SFMBT2: variants seen among roughly 807,000 people sequenced by gnomAD.
SFMBT2 encodes Scm like with four mbt domains 2.
SFMBT2 carries 38 observed loss-of-function variants against 110.1 expected under a neutral mutation model. The ratio of observed to expected loss-of-function variants is 0.35; its 90% CI spans 0.27 to 0.45. SFMBT2 has a LOEUF of 0.45. Ranked by LOEUF, SFMBT2 falls within the 20% of genes least tolerant of loss-of-function variation. The pLI, the probability that SFMBT2 is intolerant of heterozygous loss-of-function variation, is 1.00. For missense variants in SFMBT2, 1,011 were observed against 1,094.9 expected (o/e 0.92, Z 1.08); for synonymous variants, 425 against 425.4 (o/e 1.00, Z 0.01).
At chr10:7,237,554 C>G (rs1840295392) in intron 9 of SFMBT2, among the ~76,000 whole-genome samples, 1 of 152,094 alleles carries the variant, frequency 6.6e-6, no homozygotes, top group Non-Finnish European at 1.5e-5. Context: ...GGAGGGTGCT[C>G]ACCTTGCGGA....
chr10:7,220,328 G>A (rs1839684173), intron 11 of SFMBT2, 83 bp downstream of exon 11: 10 of 1,142,116 alleles, frequency 8.8e-6, no homozygotes, highest in Non-Finnish European at 1.1e-5. Context: ...CCCCTTCTGA[G>A]AAGGGCTGCT....
At chr10:7,344,727 G>A (rs1168053432) in intron 4 of SFMBT2, among the ~76,000 whole-genome samples, 16 of 152,038 alleles carry the variant, frequency 1.1e-4, no homozygotes, top group Admixed American at 1.0e-3. Context: ...AGCACTTTGG[G>A]AGGCCAAGAA....
intron 9 of SFMBT2, among the ~76,000 whole-genome samples, chr10:7,240,777 G>C (rs913615368): frequency 6.6e-6 from 1 of 152,186 alleles, no homozygotes; most frequent in African/African-American, 2.4e-5. Context: ...TTGCCCAAGA[G>C]TCACTGAGCT....
intron 4 of SFMBT2, among the ~76,000 whole-genome samples, chr10:7,357,328 A>AAGT (rs1191141837): frequency 6.6e-6 from 1 of 152,156 alleles, no homozygotes; most frequent in Non-Finnish European, 1.5e-5. Context: ...GGATGCGACT[A>AAGT]ACATTTAAAT....
chr10:7,176,808 G>A (rs1175986859), intron 16 of SFMBT2, among the ~76,000 whole-genome samples: 2 of 152,134 alleles, frequency 1.3e-5, no homozygotes, highest in Non-Finnish European at 2.9e-5. Flanking sequence ...GTATGATTGG[G>A]ACCTGGAAAC....
At chr10:7,362,542 G>T (rs914982899) in intron 4 of SFMBT2, among the ~76,000 whole-genome samples, 2 of 152,228 alleles carry the variant, frequency 1.3e-5, no homozygotes, top group South Asian at 2.1e-4. Flanking sequence ...CAATCCCAAA[G>T]TGTCCTCGAA....
chr10:7,393,654 G>A (rs1435522035), intron 1 of SFMBT2, among the ~76,000 whole-genome samples: 1 of 152,154 alleles, frequency 6.6e-6, no homozygotes, highest in African/African-American at 2.4e-5. Flanking sequence ...AGGAGTAACT[G>A]GCTGACCAAA....
chr10:7,320,655 G>A, intron 4 of SFMBT2: 1 of 945,684 alleles, frequency 1.1e-6, no homozygotes, highest in East Asian at 1.2e-4. Flanking sequence ...TAAGTAATAG[G>A]AAGCACTTTT....
At position 7,172,100 on chromosome 10, in the gene SFMBT2, C is replaced by A; in HGVS notation, c.2210G>T (p.Gly737Val). The part of the protein sequence containing the change: ...MDDDTASEET[G>V]SELRDDQTDT... ...CGTCTGGTCATCCCGGAGCTCGGAG[C>A]CGGTCTCCTCACTGGCGGTGTCATC... Residue 737 changes from glycine to valine, a missense_variant, in exon 19 of 21, where the codon GGC becomes GTC. Physicochemically the swap from Gly to Val is moderately radical, Grantham distance 109. Transcript: ENST00000397167. The surrounding 1 kb of genome is among the most constrained non-coding windows in gnomAD (Gnocchi z 4.6). 1.2e-6 allele frequency: 2 copies of A among 1,603,478 alleles called. No homozygotes were observed. The highest frequency in any genetic ancestry group is 1.7e-6 in the Non-Finnish European group (2 of 1,174,376).
intron 6 of SFMBT2, among the ~76,000 whole-genome samples, chr10:7,277,216 G>A (rs1331458340): frequency 6.6e-6 from 1 of 152,152 alleles, no homozygotes; most frequent in Non-Finnish European, 1.5e-5. Context: ...ACTTAATAGA[G>A]CTCTTCTTCA....
At chr10:7,358,778 G>A (rs1017843192) in intron 4 of SFMBT2, among the ~76,000 whole-genome samples, 16 of 151,168 alleles carry the variant, frequency 1.1e-4, no homozygotes, top group Non-Finnish European at 8.8e-5. Flanking sequence ...ACATCTGCAT[G>A]GCCCTGGAAT....
intron 12 of SFMBT2, 152 bp from the exon 13 acceptor site, chr10:7,202,674 A>G: frequency 6.6e-7 from 1 of 1,515,160 alleles, no homozygotes. Flanking sequence ...ATTTCCTATC[A>G]GTTTCTTCTA....
chr10:7,319,265 T>C (rs1588444801), intron 4 of SFMBT2, among the ~76,000 whole-genome samples: 1 of 152,230 alleles, frequency 6.6e-6, no homozygotes, highest in South Asian at 2.1e-4. Context: ...ACTGTGCACA[T>C]GTCTTTCTTC....
intron 4 of SFMBT2, among the ~76,000 whole-genome samples, chr10:7,349,873 T>C (rs184302941): frequency 1.3e-5 from 2 of 152,132 alleles, no homozygotes; most frequent in African/African-American, 4.8e-5. Flanking sequence ...TCAAGGACAG[T>C]ATTTGATGGA....
chr10:7,254,459 C>G (rs1357717541), intron 7 of SFMBT2, among the ~76,000 whole-genome samples: 2 of 152,148 alleles, frequency 1.3e-5, no homozygotes, highest in Non-Finnish European at 2.9e-5. Flanking sequence ...ACTACGATCA[C>G]AGTAGTCAAA....
Position 7,172,507 on chromosome 10 carries a change from C to A in SFMBT2, c.2139G>T (p.Ala713=), listed in dbSNP as rs145957081. Reference sequence around the variant, plus strand: ...GGGCAGAACATACCTCCCCCGAGCCCGCGGTGAAGTCCACGGCAGAAGACC... The same window carrying A: ...GGGCAGAACATACCTCCCCCGAGCCAGCGGTGAAGTCCACGGCAGAAGACC... The part of the protein sequence containing the change: ...KRRSSAVDFT[A]GSGEESEEED... The change falls in exon 18 of 21, where the codon GCG becomes GCT. Residue 713 remains alanine (A), a synonymous_variant. Coordinates refer to ENST00000397167, the MANE Select transcript of SFMBT2 (RefSeq NM_001387889.1). The surrounding 1 kb of genome is among the most constrained non-coding windows in gnomAD (Gnocchi z 4.6). 6.2e-7 allele frequency: 1 copy of A among 1,614,072 alleles called. No individual in the cohort carries two copies. The highest frequency in any genetic ancestry group is 2.2e-5 in the East Asian group (1 of 44,868).
In SFMBT2 at chr10:7,354,099, A is replaced by T. The variant is rs576849894; in HGVS notation, c.436+13550T>A. 3.9e-3 allele frequency among the ~76,000 whole-genome samples: 596 copies of T among 151,332 alleles called. 5 individuals carry two copies. The highest frequency in any genetic ancestry group is 0.014 in the Middle Eastern group (4 of 294). Reference sequence around the variant, plus strand: ...GAGACTCCCTCTCCAAAAAAAAAAAAATATAAATAAAACAAAAAAATAAAT... The same window carrying T: ...GAGACTCCCTCTCCAAAAAAAAAAATATATAAATAAAACAAAAAAATAAAT... On this transcript the variant is annotated intron_variant, in intron 4 of 20. Transcript: ENST00000397167.
chr10:7,388,470 G>A (rs953480000), intron 1 of SFMBT2, among the ~76,000 whole-genome samples: 1 of 150,188 alleles, frequency 6.7e-6, no homozygotes, highest in African/African-American at 2.5e-5. Context: ...CAATTCTCCT[G>A]CCTCAGTCTC....
intron 1 of SFMBT2, among the ~76,000 whole-genome samples, chr10:7,407,966 G>C (rs938941738): frequency 2.0e-5 from 3 of 152,200 alleles, no homozygotes; most frequent in Admixed American, 6.5e-5. Context: ...CCCAGTCTCG[G>C]CTCCTCCCTC....
Sources: gnomAD v4.1 joint callset for allele counts (sites outside exome capture counted in the v4.1 genomes callset) on GRCh38, gnomAD v4.1.1 for gene constraint, Gnocchi (gnomAD v3.1) non-coding constraint, MANE v1.5 for transcripts, NCBI Gene and HGNC (gene_info 2026-07-23, HGNC 2026-07-21) for gene names.